Variants in ZNF106 observed in about 807,000 individuals in gnomAD.
ZNF106 encodes SH3-domain binding protein 3.
Under a neutral mutation model 195.1 loss-of-function variants are expected in ZNF106, and 67 were observed. The observed-to-expected ratio is 0.34, with a 90% confidence interval of 0.28 to 0.42. The LOEUF is 0.42. Among genes scored for constraint, ZNF106 ranks in the 10% least tolerant of loss-of-function variants. ZNF106 has a pLI of 1.00. For missense variants in ZNF106, 2,118 were observed against 2,304.5 expected, an observed-to-expected ratio of 0.92 and a Z score of 1.66; for synonymous variants, 784 against 818.6, an observed-to-expected ratio of 0.96 and a Z score of 0.72.
chr15:42,436,048 G>T (rs2141304294), intron 13 of ZNF106, among the ~76,000 whole-genome samples: 1 of 151,802 alleles, frequency 6.6e-6, no homozygotes, highest in South Asian at 2.1e-4. Context: ...CTGCCTCCTG[G>T]GTTCACACCA....
chr15:42,483,537 G>A lies in ZNF106; in HGVS notation c.-33+7443C>T, dbSNP rs1020920988. Reference sequence around the variant, plus strand: ...CTCCATCTAAACATACACATACATGGTTTGCTCAACCATACACTGAAAAAA... The same window carrying A: ...CTCCATCTAAACATACACATACATGATTTGCTCAACCATACACTGAAAAAA... On this transcript the variant is annotated intron_variant, in intron 1 of 21. Transcript: ENST00000564754. Among the ~76,000 whole-genome samples, 7 of 152,164 alleles carry A rather than the reference G, an allele frequency of 4.6e-5. 2 individuals carry two copies. In the South Asian group the frequency reaches 1.5e-3, roughly 32 times the overall value.
At position 42,416,028 on chromosome 15, in the gene ZNF106, G is replaced by A. The variant is rs1062016; in HGVS notation, c.*1276C>T. 7,993 of 152,798 alleles carry A rather than the reference G, an allele frequency of 0.052. 626 individuals carry two copies. The highest frequency in any genetic ancestry group is 0.17 in the African/African-American group (6,976 of 41,526). 9.5% of individuals were successfully genotyped at this position (152,798 alleles called of 1,614,324 possible). On this transcript the variant is annotated 3_prime_UTR_variant, in exon 22 of 22. Coordinates refer to ENST00000564754, the MANE Select transcript of ZNF106 (RefSeq NM_001366845.3). Reference sequence around the variant, plus strand: ...ATTACAGGCGTGAGCCACCACGCCCGGCCACGTTCTGAGTTTTGAGGATCC... The same window carrying A: ...ATTACAGGCGTGAGCCACCACGCCCAGCCACGTTCTGAGTTTTGAGGATCC...
At position 42,430,471 on chromosome 15, in the gene ZNF106, C is replaced by T. The variant is rs1003518687; in HGVS notation, c.4882-2337G>A. 2.8e-4 allele frequency among the ~76,000 whole-genome samples: 42 copies of T among 152,022 alleles called. 1 individual carries two copies. Among genetic ancestry groups the T allele is most frequent in the Non-Finnish European group, 7.3e-5 (5 of 68,040 alleles). ...TACTGCTCACTGCAGCCTTGACCTC[C>T]GAGGCTCAAGGAATCCTCCCACCTC... On this transcript the variant is annotated intron_variant, in intron 14 of 21. Transcript: ENST00000564754.
intron 14 of ZNF106, 77 bp from the exon 15 acceptor site, chr15:42,428,211 A>G (rs1331351728): frequency 4.1e-6 from 5 of 1,221,038 alleles, no homozygotes; most frequent in Non-Finnish European, 5.9e-6. Flanking sequence ...TCCAGAAAGC[A>G]GACTTTAAAA....
chr15:42,437,101 C>T (rs2055306211), intron 13 of ZNF106, 131 bp downstream of exon 13: 5 of 892,524 alleles, frequency 5.6e-6, no homozygotes, highest in Non-Finnish European at 8.3e-6. Context: ...GGATTAAATG[C>T]ATCTAAAGTC....
chr15:42,433,198 C>A (rs912437749), intron 14 of ZNF106, among the ~76,000 whole-genome samples: 3 of 150,586 alleles, frequency 2.0e-5, no homozygotes, highest in Non-Finnish European at 3.0e-5. Context: ...CTCCGCCTCC[C>A]GGCTTCACAC....
At chr15:42,433,112 A>G (rs868681596) in intron 14 of ZNF106, among the ~76,000 whole-genome samples, 2 of 151,430 alleles carry the variant, frequency 1.3e-5, no homozygotes, top group Non-Finnish European at 2.9e-5. Context: ...TTATTTATTT[A>G]TTTATTTTTT....
intron 1 of ZNF106, among the ~76,000 whole-genome samples, chr15:42,480,181 CTATT>C (rs1452687699): frequency 6.6e-6 from 1 of 152,176 alleles, no homozygotes; most frequent in Non-Finnish European, 1.5e-5. Flanking sequence ...AGTGAATTGT[CTATT>C]TATTCCTTTA....
intron 3 of ZNF106, among the ~76,000 whole-genome samples, chr15:42,460,888 A>C (rs2056375679): frequency 6.6e-6 from 1 of 152,092 alleles, no homozygotes; most frequent in South Asian, 2.1e-4. Flanking sequence ...TAACACTAAA[A>C]ATAATTTTTC....
chr15:42,450,368 G>A lies in ZNF106; in HGVS notation c.1904C>T (p.Thr635Ile). Residue 635 changes from threonine to isoleucine, a missense_variant, in exon 5 of 22, where the codon ACA becomes ATA. Physicochemically the swap from Thr to Ile is moderately conservative, Grantham distance 89. Coordinates refer to ENST00000564754, the MANE Select transcript of ZNF106 (RefSeq NM_001366845.3). ...TKIGTLGSAT[T>I]ELLSGSTRTA... ...TCGAGTGCTGCCAGATAACAATTCTGTAGTTGCAGAACCTAGGGTTCCAAT... is the reference window on the plus strand; with the variant it reads ...TCGAGTGCTGCCAGATAACAATTCTATAGTTGCAGAACCTAGGGTTCCAAT... The A allele has an allele frequency of 6.2e-7, 1 of 1,614,188 alleles. No individual in the cohort carries two copies. Among genetic ancestry groups the A allele is most frequent in the Non-Finnish European group, 8.5e-7 (1 of 1,180,036 alleles).
In ZNF106 at chr15:42,451,631, G is replaced by C; in HGVS notation, c.641C>G (p.Ala214Gly). ...TGTACCATTATGATTCCAATCTACT[G>C]CTCCACTATTTGAAAGCCAACCACC... ...SGGGWLSNSG[A>G]VDWNHNGTGR... The change falls in exon 5 of 22, where the codon GCA becomes GGA. Residue 214 changes from alanine to glycine, a missense_variant. Physicochemically the swap from Ala to Gly is moderately conservative, Grantham distance 60. Coordinates refer to ENST00000564754, the MANE Select transcript of ZNF106 (RefSeq NM_001366845.3). The C allele has an allele frequency of 6.2e-7, 1 of 1,614,072 alleles. No individual in the cohort carries two copies. Among genetic ancestry groups the C allele is most frequent in the Non-Finnish European group, 8.5e-7 (1 of 1,180,026 alleles).
chr15:42,444,402 C>T, intron 8 of ZNF106, 140 bp from the exon 9 acceptor site: 1 of 650,434 alleles, frequency 1.5e-6, no homozygotes, highest in South Asian at 2.1e-5. Flanking sequence ...AGGTTTTCTC[C>T]AGCAGGCTTG....
chr15:42,471,906 G>A (rs1167023084), intron 2 of ZNF106, among the ~76,000 whole-genome samples: 1 of 152,148 alleles, frequency 6.6e-6, no homozygotes, highest in Non-Finnish European at 1.5e-5. Flanking sequence ...TAAAATTACA[G>A]AAAGCAGTAT....
intron 5 of ZNF106, among the ~76,000 whole-genome samples, chr15:42,449,275 A>G (rs2141352161): frequency 6.6e-6 from 1 of 152,342 alleles, no homozygotes; most frequent in East Asian, 1.9e-4. Flanking sequence ...GAGCCAAAAT[A>G]TTACACAAGC....
In ZNF106 at chr15:42,439,099, G is replaced by A. The variant is rs775930188; in HGVS notation, c.4478C>T (p.Ser1493Phe). The change falls in exon 11 of 22, where the codon TCT becomes TTT. Residue 1493 changes from serine to phenylalanine, a missense_variant. By Grantham distance (155) the Ser-to-Phe change is radical. Transcript: ENST00000564754. Reference sequence around the variant, plus strand: ...GGTAGAGCTAACTTCATCACACCCAGAACGAGACGTTTCTAGTGGGTTTTG... The same window carrying A: ...GGTAGAGCTAACTTCATCACACCCAAAACGAGACGTTTCTAGTGGGTTTTG... The part of the protein sequence containing the change: ...TEQNPLETSR[S>F]GCDEVSSTSE... 5.7e-5 allele frequency: 92 copies of A among 1,614,090 alleles called. No homozygotes were observed. The highest frequency in any genetic ancestry group is 3.8e-5 in the Non-Finnish European group (45 of 1,180,036).
At position 42,417,322 on chromosome 15, in the gene ZNF106, G is replaced by A; in HGVS notation, c.5703C>T (p.Asp1901=). ...AGHIERHAED[D]SKIDS ...AAAAACTTCATGAATCAATTTTGCT[G>A]TCATCTTCAGCATGTCGTTCAATAT... is the stretch of plus-strand genomic sequence containing the variant. The change falls in exon 22 of 22, where the codon GAC becomes GAT. Residue 1901 remains aspartate (D), a synonymous_variant. Transcript: ENST00000564754. The A allele has an allele frequency of 1.2e-6, 2 of 1,614,046 alleles. No homozygotes were observed. The highest frequency in any genetic ancestry group is 1.1e-5 in the South Asian group (1 of 91,076).
At chr15:42,480,980 T>A (rs529228876) in intron 1 of ZNF106, among the ~76,000 whole-genome samples, 138 of 152,156 alleles carry the variant, frequency 9.1e-4, no homozygotes, top group Middle Eastern at 3.4e-3. Context: ...AATGAAACTC[T>A]GTCTCAAAAT....
At chr15:42,425,161 T>C (rs1159950583) in intron 15 of ZNF106, 136 bp from the exon 16 acceptor site, 6 of 814,024 alleles carry the variant, frequency 7.4e-6, no homozygotes, top group African/African-American at 3.4e-5. Flanking sequence ...CCTTAACTTA[T>C]CCATCTCCGC....
Position 42,451,270 on chromosome 15 carries a change from T to A in ZNF106, c.1002A>T (p.Leu334Phe), listed in dbSNP as rs772890303. 88 of 1,614,178 alleles carry A rather than the reference T, an allele frequency of 5.5e-5. 2 individuals are homozygous for A. In the South Asian group the frequency reaches 9.3e-4, roughly 17 times the overall value. Residue 334 changes from leucine (L) to phenylalanine (F), a missense_variant, in exon 5 of 22, where the codon TTA becomes TTT. Leu to Phe is a conservative substitution (Grantham distance 22, BLOSUM62 0). Transcript: ENST00000564754. Reference protein sequence around the residue: ...FTSDKFPSEGLLDFNFEQLES... With the variant: ...FTSDKFPSEGFLDFNFEQLES... ...CCAGCTGCTCAAAATTGAAGTCGAG[T>A]AAGCCTTCTGAAGGAAATTTATCAC...
Sources: gnomAD v4.1 joint callset for allele counts (sites outside exome capture counted in the v4.1 genomes callset) on GRCh38, gnomAD v4.1.1 for gene constraint, MANE v1.5 for transcripts, NCBI Gene and HGNC (gene_info 2026-07-23, HGNC 2026-07-21) for gene names.